The following ANGPT1 variants were observed in gnomAD, a reference collection of about 807,000 sequenced individuals.
ANGPT1 encodes angiopoietin 1, also known as angiopoietin-1.
In ANGPT1, 17 loss-of-function variants were observed where a neutral mutation model predicts 62.2. The ratio of observed to expected loss-of-function variants is 0.27; its 90% CI spans 0.19 to 0.41. The LOEUF is 0.41. ANGPT1 is among the 10% of genes least tolerant of loss of function. ANGPT1 has a pLI of 1.00. For synonymous variants in ANGPT1, 199 were observed against 198.9 expected (o/e 1.00, Z 0.00); for missense variants, 478 against 594.9 (o/e 0.80, Z 2.04).
At chr8:107,337,387 A>G (rs754207674) in intron 2 of ANGPT1, among the ~76,000 whole-genome samples, 18 of 152,240 alleles carry the variant, frequency 1.2e-4, no homozygotes, top group Non-Finnish European at 2.4e-4. Flanking sequence ...TTGAATCACA[A>G]TGACCCATGT....
At chr8:107,261,327 A>T (rs548694726) in intron 8 of ANGPT1, among the ~76,000 whole-genome samples, 7 of 152,138 alleles carry the variant, frequency 4.6e-5, no homozygotes, top group Non-Finnish European at 8.8e-5. Context: ...GGGCTGAGGG[A>T]GGAGTCATAA....
chr8:107,398,745 T>C (rs1586289611), intron 1 of ANGPT1, among the ~76,000 whole-genome samples: 1 of 152,278 alleles, frequency 6.6e-6, no homozygotes, highest in Middle Eastern at 3.4e-3. Context: ...TTATTATGTT[T>C]TTCAAGTCTG....
chr8:107,394,880 C>T (rs1242597758), intron 1 of ANGPT1, among the ~76,000 whole-genome samples: 1 of 152,120 alleles, frequency 6.6e-6, no homozygotes, highest in Non-Finnish European at 1.5e-5. Flanking sequence ...AAATATGTAG[C>T]TCTTCCTAGA....
At chr8:107,444,146 G>A (rs1233558687) in intron 1 of ANGPT1, among the ~76,000 whole-genome samples, 3 of 152,242 alleles carry the variant, frequency 2.0e-5, no homozygotes, top group African/African-American at 7.2e-5. Flanking sequence ...TGAATCACTG[G>A]CACCAGTGCT....
chr8:107,298,582 C>T (rs529806565), intron 5 of ANGPT1, among the ~76,000 whole-genome samples: 1 of 151,940 alleles, frequency 6.6e-6, no homozygotes, highest in East Asian at 1.9e-4. Flanking sequence ...TCCTAGAAAA[C>T]CGTCTTTGGC....
intron 7 of ANGPT1, among the ~76,000 whole-genome samples, chr8:107,275,524 C>A (rs7009229): frequency 6.6e-6 from 1 of 152,090 alleles, no homozygotes; most frequent in African/African-American, 2.4e-5. Context: ...AGTCACAGCA[C>A]ATTTGTGATT....
At chr8:107,318,624 A>T (rs1241586845) in intron 4 of ANGPT1, among the ~76,000 whole-genome samples, 1 of 152,218 alleles carries the variant, frequency 6.6e-6, no homozygotes, top group East Asian at 1.9e-4. Context: ...ATATTTCAAC[A>T]TTTAAGAAAT....
intron 1 of ANGPT1, among the ~76,000 whole-genome samples, chr8:107,421,082 C>G (rs1464186622): frequency 6.6e-6 from 1 of 152,054 alleles, no homozygotes. Flanking sequence ...GCATTTCTAT[C>G]TCATCAGTTT....
chr8:107,396,477 CT>C (rs1251014478), intron 1 of ANGPT1, among the ~76,000 whole-genome samples: 4 of 145,718 alleles, frequency 2.7e-5, no homozygotes. Flanking sequence ...AAAACCCGTC[CT>C]TTTTAGTTAG....
intron 1 of ANGPT1, among the ~76,000 whole-genome samples, chr8:107,478,692 G>T (rs1812598097): frequency 6.6e-6 from 1 of 151,988 alleles, no homozygotes; most frequent in Admixed American, 6.6e-5. Context: ...AATGTTTTGG[G>T]TATGTTCCTT....
At chr8:107,255,399 G>C (rs1187620043) in intron 8 of ANGPT1, among the ~76,000 whole-genome samples, 2 of 152,116 alleles carry the variant, frequency 1.3e-5, no homozygotes, top group Non-Finnish European at 2.9e-5. Context: ...AAATAAACAG[G>C]AGGGAAAACA....
intron 1 of ANGPT1, among the ~76,000 whole-genome samples, chr8:107,387,941 T>A (rs1586280197): frequency 6.6e-6 from 1 of 152,228 alleles, no homozygotes; most frequent in Non-Finnish European, 1.5e-5. Context: ...TTAAAGAATA[T>A]TTTGGGAATC....
At position 107,349,628 on chromosome 8, in the gene ANGPT1, A is replaced by G. The variant is rs546459012; in HGVS notation, c.298-2531T>C. Among the ~76,000 whole-genome samples, 171 of 152,246 alleles carry G rather than the reference A, an allele frequency of 1.1e-3. 1 individual carries two copies. Among genetic ancestry groups the G allele is most frequent in the African/African-American group, 4.0e-3 (166 of 41,570 alleles). On this transcript the variant is annotated intron_variant, in intron 1 of 8. Transcript: ENST00000517746. ...AATCACACTTAAACTTCACAATTAT[A>G]TATGTTATAGCTGCTTTATAGATGA...
chr8:107,488,970 T>G (rs1455507941), intron 1 of ANGPT1, among the ~76,000 whole-genome samples: 1 of 152,174 alleles, frequency 6.6e-6, no homozygotes, highest in Non-Finnish European at 1.5e-5. Context: ...TTATTGGTTC[T>G]CTGGGAATGG....
At chr8:107,322,168 G>T in intron 3 of ANGPT1, 40 bp from the exon 4 acceptor site, 1 of 1,453,874 alleles carries the variant, frequency 6.9e-7, no homozygotes, top group African/African-American at 1.4e-5. Context: ...TTGAAAAAAT[G>T]TTATACAAAA....
At chr8:107,494,129 A>G (rs1264440513) in intron 1 of ANGPT1, among the ~76,000 whole-genome samples, 2 of 136,652 alleles carry the variant, frequency 1.5e-5, no homozygotes. Flanking sequence ...CTTTTAACAA[A>G]AAAAGACATC....
intron 1 of ANGPT1, among the ~76,000 whole-genome samples, chr8:107,447,400 T>C (rs532819830): frequency 1.2e-4 from 18 of 152,290 alleles, no homozygotes; most frequent in Non-Finnish European, 2.5e-4. Flanking sequence ...ATTTCTAGTA[T>C]TTCTTAAAAA....
At chr8:107,458,494 T>G (rs1234652210) in intron 1 of ANGPT1, among the ~76,000 whole-genome samples, 3 of 152,096 alleles carry the variant, frequency 2.0e-5, no homozygotes, top group African/African-American at 7.2e-5. Flanking sequence ...TTTTCTAAAC[T>G]AAAACAAAGA....
intron 1 of ANGPT1, among the ~76,000 whole-genome samples, chr8:107,455,003 A>G (rs1272761837): frequency 3.9e-5 from 6 of 151,956 alleles, no homozygotes; most frequent in African/African-American, 1.4e-4. Context: ...TGGCTTCTAT[A>G]TGTCTTCCTC....
Sources: gnomAD v4.1 joint callset for allele counts (sites outside exome capture counted in the v4.1 genomes callset) on GRCh38, gnomAD v4.1.1 for gene constraint, MANE v1.5 for transcripts, NCBI Gene and HGNC (gene_info 2026-07-23, HGNC 2026-07-21) for gene names.